The following ADCY8 variants were observed in gnomAD, a reference collection of about 807,000 sequenced individuals.
ADCY8 encodes adenylate cyclase type 8.
Under a neutral mutation model 119.7 loss-of-function variants are expected in ADCY8, and 51 were observed. The observed-to-expected ratio is 0.43, with a 90% CI of 0.34 to 0.54. ADCY8 has a LOEUF of 0.54. ADCY8 is among the 20% of genes least tolerant of loss of function. The probability of loss-of-function intolerance (pLI) is 0.03; values close to 1 mark genes in which losing one functional copy is unlikely to be tolerated. For missense variants in ADCY8, 1,383 were observed against 1,598.8 expected, an observed-to-expected ratio of 0.87 and a Z score of 2.30; for synonymous variants, 665 against 651.0, an observed-to-expected ratio of 1.02 and a Z score of -0.33.
intron 4 of ADCY8, among the ~76,000 whole-genome samples, chr8:130,940,334 T>C (rs113578002): frequency 6.6e-5 from 10 of 152,284 alleles, no homozygotes; most frequent in African/African-American, 2.4e-4. Flanking sequence ...TAGAAGGAGA[T>C]TGTGTAAAAT....
intron 4 of ADCY8, 73 bp from the exon 5 acceptor site, chr8:130,937,273 G>C (rs1179304729): frequency 6.6e-7 from 1 of 1,512,020 alleles, no homozygotes; most frequent in Non-Finnish European, 8.9e-7. Context: ...GCTTGAGAAA[G>C]AGGCGAGCAG....
At position 130,937,058 on chromosome 8, in the gene ADCY8, G is replaced by A. The variant is rs1292655685; in HGVS notation, c.1481+15C>T. The A allele has an allele frequency of 3.7e-6, 6 of 1,602,956 alleles. No individual in the cohort carries two copies. The highest frequency in any genetic ancestry group is 5.1e-6 in the Non-Finnish European group (6 of 1,172,832). ...CATTGAAGACCCAGGTAACATGATG[G>A]GGATCACAAATTACCTGATGGTTTT... On this transcript the variant is annotated intron_variant, in intron 5 of 17. Transcript: ENST00000286355.
In ADCY8 at chr8:131,039,724, C is replaced by A. The variant is rs75246765; in HGVS notation, c.610G>T (p.Ala204Ser). Residue 204 changes from alanine (A) to serine (S), a missense_variant, in exon 1 of 18, where the codon GCC becomes TCC. By Grantham distance (99) the Ala-to-Ser change is moderately conservative. Around this residue, in one of 2 missense-constraint regions of ADCY8, gnomAD observed 455 missense variants for 435.3 expected, o/e 1.05. Coordinates refer to ENST00000286355, the MANE Select transcript of ADCY8 (RefSeq NM_001115.3). ...LTLLVLHLSLASAPMDPLKGI... is the reference protein window; with the variant it reads ...LTLLVLHLSLSSAPMDPLKGI... ...TTGAGCGGGTCCATGGGGGCCGAGG[C>A]CAGGCTCAAGTGTAGGACCAAGAGA... The A allele has an allele frequency of 0.015, 24,729 of 1,614,092 alleles. 221 individuals are homozygous for A. Among genetic ancestry groups the A allele is most frequent in the South Asian group, 0.025 (2,263 of 91,080 alleles).
chr8:130,902,652 C>A (rs1254452455), intron 7 of ADCY8, among the ~76,000 whole-genome samples: 1 of 152,124 alleles, frequency 6.6e-6, no homozygotes, highest in African/African-American at 2.4e-5. Context: ...GCATTTTAAC[C>A]TTTCCATTTA....
chr8:130,888,102 G>A (rs1176237973), intron 7 of ADCY8, among the ~76,000 whole-genome samples: 1 of 151,968 alleles, frequency 6.6e-6, no homozygotes, highest in Non-Finnish European at 1.5e-5. Context: ...AAAATGTTGA[G>A]ACGGTTCTTT....
chr8:130,908,129 T>C (rs1819851494), intron 6 of ADCY8, among the ~76,000 whole-genome samples: 1 of 152,216 alleles, frequency 6.6e-6, no homozygotes, highest in African/African-American at 2.4e-5. Context: ...TTAAACTTGG[T>C]CACTCTTCTG....
intron 7 of ADCY8, among the ~76,000 whole-genome samples, chr8:130,889,933 C>T (rs1819125262): frequency 6.6e-6 from 1 of 152,154 alleles, no homozygotes; most frequent in African/African-American, 2.4e-5. Context: ...TACTCTGAGG[C>T]TGCAATTGTC....
chr8:130,978,919 T>A (rs1261012218), intron 2 of ADCY8, among the ~76,000 whole-genome samples: 1 of 152,178 alleles, frequency 6.6e-6, no homozygotes, highest in African/African-American at 2.4e-5. Context: ...TTAATGCCTT[T>A]GCTGAGTCCT....
intron 2 of ADCY8, among the ~76,000 whole-genome samples, chr8:130,971,705 A>T (rs1233796433): frequency 6.6e-6 from 1 of 152,170 alleles, no homozygotes; most frequent in African/African-American, 2.4e-5. Context: ...GGAAGAGGTG[A>T]TATGTGAGCT....
intron 7 of ADCY8, among the ~76,000 whole-genome samples, chr8:130,901,386 A>G (rs1214228448): frequency 6.6e-6 from 1 of 152,078 alleles, no homozygotes; most frequent in Non-Finnish European, 1.5e-5. Flanking sequence ...CAGCAATTTG[A>G]TGCCATTAAA....
rs1161136558 is a variant in ADCY8, at chr8:130,992,382, CATATATATATATATATATAT to C, written c.961-1860_961-1841del. On this transcript the variant is annotated intron_variant, in intron 1 of 17. Transcript: ENST00000286355. ...TACATACATGAGCAACTGTATCTGG[CATATATATATATATATATAT>C]ATATATATATATATATATATATATA... Among the ~76,000 whole-genome samples the C allele has an allele frequency of 3.6e-4, 28 of 78,050 alleles. 3 individuals carry two copies. Among genetic ancestry groups the C allele is most frequent in the African/African-American group, 8.0e-4 (15 of 18,728 alleles). 51.2% of individuals were successfully genotyped at this position (78,050 alleles called of 152,430 possible).
intron 1 of ADCY8, among the ~76,000 whole-genome samples, chr8:130,999,074 A>G (rs146441872): frequency 3.9e-5 from 6 of 152,082 alleles, no homozygotes; most frequent in Non-Finnish European, 8.8e-5. Context: ...ATGTCCATCA[A>G]CCTTACTCAA....
At chr8:130,825,068 T>C (rs183573976) in intron 12 of ADCY8, among the ~76,000 whole-genome samples, 5 of 152,332 alleles carry the variant, frequency 3.3e-5, no homozygotes, top group African/African-American at 7.2e-5. Context: ...TTTTAATTGA[T>C]GTGTAACAAT....
chr8:130,846,721 CCCTT>C (rs151049495), intron 11 of ADCY8, among the ~76,000 whole-genome samples: 39 of 125,256 alleles, frequency 3.1e-4, no homozygotes, highest in African/African-American at 8.3e-4. Context: ...TCCTTCCTTC[CCCTT>C]CCTTCCTTCC....
chr8:130,878,415 T>C (rs1041738944), intron 8 of ADCY8, among the ~76,000 whole-genome samples: 2 of 152,190 alleles, frequency 1.3e-5, no homozygotes, highest in African/African-American at 4.8e-5. Context: ...CCTGAAGCCA[T>C]TATTAGTCTC....
At chr8:130,931,691 A>C (rs888296809) in intron 5 of ADCY8, among the ~76,000 whole-genome samples, 3 of 151,906 alleles carry the variant, frequency 2.0e-5, no homozygotes, top group African/African-American at 7.3e-5. Flanking sequence ...GGTGTTCACA[A>C]TTTCTTTCTT....
intron 1 of ADCY8, among the ~76,000 whole-genome samples, chr8:131,027,092 C>T: frequency 6.6e-6 from 1 of 152,180 alleles, no homozygotes; most frequent in East Asian, 1.9e-4. Flanking sequence ...ACAGTTCTGT[C>T]TCATTGAGAG....
At chr8:130,799,835 A>G (rs1815711917) in intron 15 of ADCY8, among the ~76,000 whole-genome samples, 1 of 152,180 alleles carries the variant, frequency 6.6e-6, no homozygotes, top group Non-Finnish European at 1.5e-5. Flanking sequence ...GGCTTAAGTA[A>G]CTGGATGGAC....
chr8:130,994,760 A>G (rs1822712810), intron 1 of ADCY8, among the ~76,000 whole-genome samples: 1 of 152,226 alleles, frequency 6.6e-6, no homozygotes, highest in Admixed American at 6.5e-5. Flanking sequence ...TTTGATGCAT[A>G]CATTGATAGT....
Sources: allele counts gnomAD v4.1 joint callset (sites outside exome capture counted in the v4.1 genomes callset), GRCh38; gene constraint gnomAD v4.1.1; regional missense constraint gnomAD v4.1.1; transcripts MANE v1.5; gene names NCBI Gene and HGNC (gene_info 2026-07-23, HGNC 2026-07-21).